The following RDM1 variants were observed in gnomAD, a reference collection of about 807,000 sequenced individuals.
RDM1 encodes the protein RAD52 motif-containing protein 1.
A neutral mutation model predicts 27.7 loss-of-function variants in RDM1; 28 were observed. That is an observed-to-expected ratio of 1.01 (90% CI 0.75 to 1.39). The LOEUF (loss-of-function observed/expected upper bound fraction) is 1.39. Ranked by LOEUF, RDM1 falls within the 40% of genes most tolerant of loss-of-function variation. RDM1 has a pLI of 0.00. For synonymous variants in RDM1, 124 were observed against 127.5 expected (o/e 0.97, Z 0.19); for missense variants, 277 against 337.3 (o/e 0.82, Z 1.40).
intron 3 of RDM1, 25 bp downstream of exon 3, chr17:35,925,490 G>A (rs2089111696): frequency 6.2e-7 from 1 of 1,610,972 alleles, no homozygotes. Context: ...AGTGTGGTAA[G>A]TGAAAAAAAA....
intron 5 of RDM1, among the ~76,000 whole-genome samples, chr17:35,921,008 T>C (rs1292974777): frequency 2.6e-5 from 4 of 152,184 alleles, no homozygotes; most frequent in African/African-American, 9.7e-5. Context: ...TACTCAGGTG[T>C]CTACTCCTTT....
chr17:35,918,482 C>T (rs1181087954), intron 6 of RDM1, 39 bp from the exon 7 acceptor site: 2 of 1,511,942 alleles, frequency 1.3e-6, no homozygotes, highest in East Asian at 2.3e-5. Flanking sequence ...AGGCAGAACG[C>T]ACATTACGGT....
intron 2 of RDM1, among the ~76,000 whole-genome samples, chr17:35,927,439 C>CA (rs892086947): frequency 3.3e-5 from 5 of 151,976 alleles, no homozygotes; most frequent in African/African-American, 1.2e-4. Flanking sequence ...GACTCCATCT[C>CA]AAAAAAACAA....
chr17:35,927,983 A>G (rs148075807), intron 2 of RDM1, among the ~76,000 whole-genome samples: 114 of 152,346 alleles, frequency 7.5e-4, no homozygotes, highest in African/African-American at 2.6e-3. Context: ...CAGAAAGTGG[A>G]ACCAGGATTG....
At chr17:35,930,544 G>T in intron 1 of RDM1, 88 bp downstream of exon 1, 1 of 1,262,202 alleles carries the variant, frequency 7.9e-7, no homozygotes, top group Non-Finnish European at 1.1e-6. Context: ...GGCTCAGGCA[G>T]GTGAGGGTCT....
At chr17:35,919,810 A>G (rs1243891956) in intron 6 of RDM1, among the ~76,000 whole-genome samples, 1 of 152,234 alleles carries the variant, frequency 6.6e-6, no homozygotes, top group Non-Finnish European at 1.5e-5. Context: ...AGTTTTCGAA[A>G]GCTGTAGCAC....
intron 2 of RDM1, among the ~76,000 whole-genome samples, chr17:35,927,676 A>T: frequency 6.6e-6 from 1 of 151,972 alleles, no homozygotes; most frequent in East Asian, 1.9e-4. Flanking sequence ...TTAGTAATAA[A>T]TCTAGTATGA....
chr17:35,929,684 A>T (rs2089260190), intron 2 of RDM1, among the ~76,000 whole-genome samples: 1 of 152,172 alleles, frequency 6.6e-6, no homozygotes, highest in African/African-American at 2.4e-5. Flanking sequence ...TCAAGTGATC[A>T]GCCCGCCTCG....
chr17:35,920,380 GAA>G, intron 5 of RDM1, 108 bp from the exon 6 acceptor site: 1 of 433,840 alleles, frequency 2.3e-6, no homozygotes, highest in East Asian at 4.0e-5. Context: ...TCTAAAAGCA[GAA>G]AATAAGAGCA....
Position 35,930,081 on chromosome 17 carries a change from C to T in RDM1, c.271G>A (p.Val91Ile), listed in dbSNP as rs751012098. Reference sequence around the variant, plus strand: ...AATTCCATATTTGGACCCACCTTGACTGGAGATTTCTGAAAAAGCTGCTTC... The same window carrying T: ...AATTCCATATTTGGACCCACCTTGATTGGAGATTTCTGAAAAAGCTGCTTC... ...DRKQLFQKSP[V>I]KVRLGTRHKA... The change falls in exon 2 of 7, where the codon GTC becomes ATC. Residue 91 changes from valine (V) to isoleucine (I), a missense_variant. Transcript: ENST00000620284. 1 of 1,613,192 alleles carries T rather than the reference C, an allele frequency of 6.2e-7. No individual in the cohort carries two copies. Among genetic ancestry groups the T allele is most frequent in the Non-Finnish European group, 8.5e-7 (1 of 1,179,600 alleles).
intron 4 of RDM1, among the ~76,000 whole-genome samples, chr17:35,923,116 G>T (rs1024855981): frequency 6.6e-6 from 1 of 151,898 alleles, no homozygotes; most frequent in Non-Finnish European, 1.5e-5. Context: ...AGAACAGCCT[G>T]GTCAATGTGG....
chr17:35,919,698 T>C (rs1407001394), intron 6 of RDM1, among the ~76,000 whole-genome samples: 2 of 152,224 alleles, frequency 1.3e-5, no homozygotes, highest in East Asian at 3.8e-4. Context: ...TTGTAGCACA[T>C]GATTGTAACT....
At position 35,918,354 on chromosome 17, in the gene RDM1, T is replaced by C. The variant is rs751529396; in HGVS notation, c.843A>G (p.Pro281=). The C allele has an allele frequency of 6.2e-7, 1 of 1,613,566 alleles. No individual in the cohort carries two copies. Among genetic ancestry groups the C allele is most frequent in the South Asian group, 1.1e-5 (1 of 91,052 alleles). Residue 281 remains proline (P), a synonymous_variant, in exon 7 of 7, where the codon CCA becomes CCG. Transcript: ENST00000620284. ...ATATTCAGAAATGCTAGTCAAGTTC[T>C]GGCAGCCTGAACTCTTCCTCCTCCA... ...FSLEEEEFRL[P]ELD
Position 35,922,655 on chromosome 17 carries a change from T to C in RDM1, c.589A>G (p.Lys197Glu). Residue 197 changes from lysine to glutamate, a missense_variant, in exon 5 of 7, where the codon AAA (lysine) becomes GAA (glutamate). Transcript: ENST00000620284. ...GCAAGCTTCTGGGCTGTCTTCCTTT[T>C]CATAAGGAATGATAATGGTCCTAAA... ...VEEGPLSFLMKRKTAQKLAIQ... is the reference protein window; with the variant it reads ...VEEGPLSFLMERKTAQKLAIQ... 1 of 1,607,542 alleles carries C rather than the reference T, an allele frequency of 6.2e-7. No individual in the cohort carries two copies.
Position 35,930,741 on chromosome 17 carries a change from C to A in RDM1, c.-14G>T, listed in dbSNP as rs200538664. On this transcript the variant is annotated 5_prime_UTR_variant, in exon 1 of 7. Transcript: ENST00000620284. ...CAACTCCGCCATCCTCCCTTCACCG[C>A]ACCTGCGCGGCTAACCCTCGCCCCA... 4 of 1,611,858 alleles carry A rather than the reference C, an allele frequency of 2.5e-6. No individual in the cohort carries two copies. Among genetic ancestry groups the A allele is most frequent in the African/African-American group, 1.3e-5 (1 of 74,976 alleles).
At chr17:35,922,918 G>A (rs2088997494) in intron 4 of RDM1, among the ~76,000 whole-genome samples, 1 of 152,006 alleles carries the variant, frequency 6.6e-6, no homozygotes, top group Admixed American at 6.5e-5. Flanking sequence ...CAAGAACCTG[G>A]CACATGTCTC....
At chr17:35,929,199 A>C (rs910328612) in intron 2 of RDM1, among the ~76,000 whole-genome samples, 7 of 152,202 alleles carry the variant, frequency 4.6e-5, no homozygotes, top group African/African-American at 1.7e-4. Context: ...ACACAGGGAT[A>C]CTCTGTCTCT....
intron 5 of RDM1, among the ~76,000 whole-genome samples, chr17:35,921,123 T>C (rs578095430): frequency 2.0e-5 from 3 of 152,302 alleles, no homozygotes; most frequent in African/African-American, 7.2e-5. Flanking sequence ...TTATAGACAA[T>C]AGAACTACCT....
rs769862292 is a variant in RDM1 at position 35,920,220 on chromosome 17, G to A, written c.720C>T (p.Val240=). The A allele has an allele frequency of 6.2e-7, 1 of 1,603,018 alleles. No individual in the cohort carries two copies. Among genetic ancestry groups the A allele is most frequent in the Non-Finnish European group, 8.5e-7 (1 of 1,172,198 alleles). Residue 240 remains valine (V), a synonymous_variant, in exon 6 of 7, where the codon GTC becomes GTT. Coordinates refer to ENST00000620284, the MANE Select transcript of RDM1 (RefSeq NM_145654.4). ...EYRPSEDIVG[V]RCEEELHGLI... ...AACCGTGTAGTTCTTCTTCGCATCT[G>A]ACACCTACGATGTCTTCACTGGGTC...
Sources: allele counts gnomAD v4.1 joint callset (sites outside exome capture counted in the v4.1 genomes callset), GRCh38; gene constraint gnomAD v4.1.1; transcripts MANE v1.5; gene names NCBI Gene and HGNC (gene_info 2026-07-23, HGNC 2026-07-21).